The following WDR27 variants were observed in gnomAD, a reference collection of about 807,000 sequenced individuals.
WDR27 encodes WD repeat domain 27.
WDR27 carries 100 observed loss-of-function variants against 114.4 expected under a neutral mutation model. The observed-to-expected ratio is 0.87, with a 90% CI of 0.74 to 1.03. WDR27 has a LOEUF of 1.03. WDR27 is among the 50% of genes least tolerant of loss of function. The probability of loss-of-function intolerance (pLI) is 0.00; values close to 1 mark genes in which losing one functional copy is unlikely to be tolerated. For synonymous variants in WDR27, 449 were observed against 423.1 expected (o/e 1.06, Z -0.75); for missense variants, 1,129 against 1,092.9 (o/e 1.03, Z -0.47).
chr6:169,496,199 C>G (rs1285839689), intron 25 of WDR27, among the ~76,000 whole-genome samples: 1 of 151,898 alleles, frequency 6.6e-6, no homozygotes, highest in Non-Finnish European at 1.5e-5. Context: ...GGAAAAAACA[C>G]ACGATTATCT....
chr6:169,507,872 G>A (rs922149620), intron 25 of WDR27, among the ~76,000 whole-genome samples: 1 of 152,172 alleles, frequency 6.6e-6, no homozygotes, highest in Non-Finnish European at 1.5e-5. Flanking sequence ...CACTCTCACA[G>A]CTTCACAACT....
At chr6:169,612,582 T>C (rs1476339676) in intron 22 of WDR27, among the ~76,000 whole-genome samples, 1 of 139,840 alleles carries the variant, frequency 7.2e-6, no homozygotes, top group Admixed American at 7.7e-5. Context: ...GCTGAGATCA[T>C]GTAACACTGC....
chr6:169,455,014 G>A (rs776203221), downstream of WDR27, among the ~76,000 whole-genome samples: 1 of 152,208 alleles, frequency 6.6e-6, no homozygotes, highest in Non-Finnish European at 1.5e-5. Flanking sequence ...GGTACCAGGC[G>A]ACCCGGCCTA....
At chr6:169,633,128 T>G (rs1330322056) in intron 20 of WDR27, 60 bp from the exon 21 acceptor site, 1 of 1,496,714 alleles carries the variant, frequency 6.7e-7, no homozygotes, top group Non-Finnish European at 9.0e-7. Flanking sequence ...AAGGGACAGT[T>G]CCCTCTCTTT....
At chr6:169,693,130 T>C (rs1784930352) in intron 1 of WDR27, among the ~76,000 whole-genome samples, 2 of 152,154 alleles carry the variant, frequency 1.3e-5, no homozygotes, top group South Asian at 4.1e-4. Context: ...CCTATCAGAT[T>C]AACAGCTGAC....
intron 25 of WDR27, among the ~76,000 whole-genome samples, chr6:169,512,876 C>T (rs1793089853): frequency 6.6e-6 from 1 of 152,054 alleles, no homozygotes; most frequent in African/African-American, 2.4e-5. Context: ...AGATAGAAAA[C>T]ACATAGAAAA....
At chr6:169,602,380 G>T in intron 22 of WDR27, 59 bp from the exon 23 acceptor site, 1 of 1,140,412 alleles carries the variant, frequency 8.8e-7, no homozygotes, top group Non-Finnish European at 1.3e-6. Context: ...ATGCAAATTA[G>T]AGGAAAGAAA....
chr6:169,429,132 C>A, the WDR27 span, among the ~76,000 whole-genome samples: 1 of 152,274 alleles, frequency 6.6e-6, no homozygotes, highest in East Asian at 1.9e-4. Context: ...CAGCCCCAGG[C>A]TCCTCTCTCC....
intron 25 of WDR27, among the ~76,000 whole-genome samples, chr6:169,485,297 C>G (rs757439612): frequency 1.3e-5 from 2 of 152,036 alleles, no homozygotes; most frequent in Non-Finnish European, 2.9e-5. Flanking sequence ...ATCCAGCATC[C>G]GTAAGGAACT....
At chr6:169,574,868 C>T (rs1231117819) in intron 24 of WDR27, among the ~76,000 whole-genome samples, 1 of 152,140 alleles carries the variant, frequency 6.6e-6, no homozygotes, top group East Asian at 1.9e-4. Context: ...GGAAGTCACT[C>T]AAAGGCATGA....
chr6:169,438,051 C>G, the WDR27 span, among the ~76,000 whole-genome samples: 1 of 152,050 alleles, frequency 6.6e-6, no homozygotes, highest in Non-Finnish European at 1.5e-5. Context: ...CCATGCCCTC[C>G]TTCTTCACCC....
At chr6:169,463,656 C>A (rs1583578400) in intron 25 of WDR27, among the ~76,000 whole-genome samples, 1 of 152,246 alleles carries the variant, frequency 6.6e-6, no homozygotes, top group East Asian at 1.9e-4. Context: ...ATTCCACTCA[C>A]AAAAAGCCTG....
chr6:169,541,994 C>A (rs962293284), intron 25 of WDR27, among the ~76,000 whole-genome samples: 1 of 152,132 alleles, frequency 6.6e-6, no homozygotes, highest in African/African-American at 2.4e-5. Flanking sequence ...AGGTCCACTG[C>A]TCCTGCTTCA....
chr6:169,437,696 T>C, the WDR27 span, among the ~76,000 whole-genome samples: 610 of 152,314 alleles, frequency 4.0e-3, 4 homozygotes, highest in African/African-American at 0.014. Context: ...ACTATAATTA[T>C]ATAGAAATTT....
In WDR27 at chr6:169,465,127, G is replaced by T. The variant is rs552015886; in HGVS notation, c.2646-7493C>A. Among the ~76,000 whole-genome samples the T allele has an allele frequency of 3.3e-5, 5 of 152,124 alleles. No individual in the cohort carries two copies. In the East Asian group the frequency reaches 9.7e-4, roughly 29 times the overall value. On this transcript the variant is annotated intron_variant, in intron 25 of 25. Transcript: ENST00000448612. ...TACAAAATTAGCTGGGTGTGGGGGCGCATGCCTGTAATCCCAGCTACTTGG... is the reference window on the plus strand; with the variant it reads ...TACAAAATTAGCTGGGTGTGGGGGCTCATGCCTGTAATCCCAGCTACTTGG...
At chr6:169,637,636 G>A (rs542795247) in intron 18 of WDR27, among the ~76,000 whole-genome samples, 28 of 151,280 alleles carry the variant, frequency 1.9e-4, no homozygotes, top group East Asian at 5.8e-4. Flanking sequence ...GTAAGCATGC[G>A]TATGTGTATG....
intron 2 of WDR27, among the ~76,000 whole-genome samples, chr6:169,685,911 A>C (rs921399948): frequency 6.6e-6 from 1 of 152,238 alleles, no homozygotes; most frequent in Non-Finnish European, 1.5e-5. Flanking sequence ...TTATAGTCAA[A>C]TTGTCAAAAT....
chr6:169,445,425 G>C, the WDR27 span, among the ~76,000 whole-genome samples: 1 of 152,088 alleles, frequency 6.6e-6, no homozygotes, highest in African/African-American at 2.4e-5. Context: ...TCCACCACTA[G>C]CAACCAGGCT....
chr6:169,665,634 ATC>A, intron 6 of WDR27, 78 bp from the exon 7 acceptor site: 1 of 1,309,166 alleles, frequency 7.6e-7, no homozygotes, highest in Non-Finnish European at 1.1e-6. Context: ...AGTTTTACTT[ATC>A]TCTTTACACG....
Sources: gnomAD v4.1 joint callset for allele counts (sites outside exome capture counted in the v4.1 genomes callset) on GRCh38, gnomAD v4.1.1 for gene constraint, MANE v1.5 for transcripts, NCBI Gene and HGNC (gene_info 2026-07-23, HGNC 2026-07-21) for gene names.